The following MGAM2 variants were observed in gnomAD, a reference collection of about 807,000 sequenced individuals.
The protein encoded by MGAM2 is probable maltase-glucoamylase 2.
Under a neutral mutation model 96.1 loss-of-function variants are expected in MGAM2, and 98 were observed. The ratio of observed to expected loss-of-function variants is 1.02; its 90% CI spans 0.87 to 1.21. The LOEUF (loss-of-function observed/expected upper bound fraction) is 1.21. Ranked by LOEUF, MGAM2 falls within the 50% of genes most tolerant of loss-of-function variation. The pLI, the probability that MGAM2 is intolerant of heterozygous loss-of-function variation, is 0.00. For synonymous variants in MGAM2, 749 were observed against 414.8 expected (o/e 1.81, Z -9.79); for missense variants, 2,055 against 1,182.4 (o/e 1.74, Z -10.82).
chr7:142,202,408 C>T (rs1014134798), intron 45 of MGAM2, among the ~76,000 whole-genome samples: 1 of 152,074 alleles, frequency 6.6e-6, no homozygotes, highest in Non-Finnish European at 1.5e-5. Flanking sequence ...GTATGGATCC[C>T]GTCACCCAGG....
At chr7:142,212,479 C>G (rs1797617039) in intron 46 of MGAM2, among the ~76,000 whole-genome samples, 1 of 152,114 alleles carries the variant, frequency 6.6e-6, no homozygotes, top group Non-Finnish European at 1.5e-5. Flanking sequence ...CAAAGACACA[C>G]TAGGCTCAAA....
At chr7:142,168,270 T>C (rs1796087126) in intron 26 of MGAM2, among the ~76,000 whole-genome samples, 1 of 149,462 alleles carries the variant, frequency 6.7e-6, no homozygotes, top group South Asian at 2.1e-4. Context: ...TGCATTTCTT[T>C]CTTTTTTTTT....
intron 3 of MGAM2, among the ~76,000 whole-genome samples, chr7:142,129,367 A>G (rs1442921101): frequency 1.3e-5 from 2 of 152,100 alleles, no homozygotes; most frequent in African/African-American, 4.8e-5. Context: ...AATGAGTTAA[A>G]ACTTTAAGGG....
rs985608621 is a variant in MGAM2 at position 142,183,241 on chromosome 7, G to A, written c.3817-25G>A. 10 of 694,312 alleles carry A rather than the reference G, an allele frequency of 1.4e-5. No homozygotes were observed. The East Asian group carries it at 2.7e-4, about 19-fold the overall frequency. 43.0% of individuals were successfully genotyped at this position (694,312 alleles called of 1,614,324 possible). ...TCTTAGAGATGTTTTCCTCACATTT[G>A]CTGTTTGAAATTCTTTTACTGCAGG... On this transcript the variant is annotated intron_variant, in intron 32 of 47. Transcript: ENST00000477922.
chr7:142,142,522 G>GTGTTTTT (rs1795259203), intron 12 of MGAM2, among the ~76,000 whole-genome samples: 2 of 108,202 alleles, frequency 1.8e-5, no homozygotes, highest in Non-Finnish European at 4.0e-5. Context: ...ATAGTGGTGT[G>GTGTTTTT]TGTTTTTTTT....
At position 142,165,296 on chromosome 7, in the gene MGAM2, C is replaced by T. The variant is rs539222424; in HGVS notation, c.2652+273C>T. On this transcript the variant is annotated intron_variant, in intron 24 of 47. Transcript: ENST00000477922. Reference sequence around the variant, plus strand: ...GCAGTTAAAATGAGACACTCTGATCCCAGCTGTGACATAGTGAATAGATTG... The same window carrying T: ...GCAGTTAAAATGAGACACTCTGATCTCAGCTGTGACATAGTGAATAGATTG... 4.9e-4 allele frequency among the ~76,000 whole-genome samples: 74 copies of T among 152,162 alleles called. 1 individual carries two copies. Among genetic ancestry groups the T allele is most frequent in the Non-Finnish European group, 9.0e-4 (61 of 68,022 alleles).
intron 3 of MGAM2, among the ~76,000 whole-genome samples, chr7:142,122,297 C>T (rs1046775786): frequency 6.6e-6 from 1 of 152,168 alleles, no homozygotes; most frequent in African/African-American, 2.4e-5. Flanking sequence ...ATATTATTAG[C>T]TACAGTCCAA....
At chr7:142,201,155 C>T (rs1797217311) in intron 45 of MGAM2, among the ~76,000 whole-genome samples, 1 of 142,694 alleles carries the variant, frequency 7.0e-6, no homozygotes, top group African/African-American at 2.7e-5. Context: ...CTGCAACCTC[C>T]TCCTCCCTAA....
At chr7:142,182,672 G>A (rs975052007) in intron 32 of MGAM2, among the ~76,000 whole-genome samples, 2 of 152,208 alleles carry the variant, frequency 1.3e-5, no homozygotes, top group African/African-American at 4.8e-5. Context: ...TGCAGTGCAA[G>A]TTTCCCTTCA....
At chr7:142,120,628 G>A (rs1190115076) in intron 3 of MGAM2, among the ~76,000 whole-genome samples, 1 of 152,174 alleles carries the variant, frequency 6.6e-6, no homozygotes, top group Admixed American at 6.5e-5. Flanking sequence ...GGTGGAGGGC[G>A]ATTACAGGTG....
intron 23 of MGAM2, among the ~76,000 whole-genome samples, chr7:142,164,289 G>C (rs945156096): frequency 3.3e-5 from 5 of 152,102 alleles, no homozygotes; most frequent in Admixed American, 3.3e-4. Context: ...CCCTAAATAA[G>C]TTATTTAATT....
At position 142,154,745 on chromosome 7, in the gene MGAM2, G is replaced by A. The variant is rs1280740570; in HGVS notation, c.1823G>A (p.Cys608Tyr). The part of the protein sequence containing the change: ...FGIPMVGANI[C>Y]GYNNNVTEEL... The stretch of plus-strand genomic sequence containing the variant: ...ATTCTCCAGGTAGGTGCCAACATCT[G>A]TGGTTATAACAACAATGTCACAGAG... The change falls in exon 17 of 48, where the codon TGT becomes TAT. Residue 608 changes from cysteine (C) to tyrosine (Y), a missense_variant. Coordinates refer to ENST00000477922, the MANE Select transcript of MGAM2 (RefSeq NM_001293626.2). 1.4e-6 allele frequency: 1 copy of A among 703,234 alleles called. No homozygotes were observed. Among genetic ancestry groups the A allele is most frequent in the East Asian group, 2.7e-5 (1 of 37,282 alleles). The allele number at this position is 703,234 out of a possible 1,614,324, so 43.6% of individuals were successfully genotyped here.
At chr7:142,118,500 C>T (rs1449316923) in intron 2 of MGAM2, among the ~76,000 whole-genome samples, 2 of 152,124 alleles carry the variant, frequency 1.3e-5, no homozygotes, top group African/African-American at 4.8e-5. Context: ...TAACTGTTTC[C>T]TCCAAATTCT....
chr7:142,154,133 G>A lies in MGAM2; in HGVS notation c.1750G>A (p.Asp584Asn). Residue 584 changes from aspartate (D) to asparagine (N), a missense_variant, in exon 16 of 48, where the codon GAC (aspartate) becomes AAC (asparagine). Transcript: ENST00000477922. ...WLGDNAATWD[D>N]LRWSIPTILE... ...GGGGGACAATGCGGCCACATGGGAT[G>A]ACCTCCGATGGTCTATCCCCACTAT... 3 of 688,340 alleles carry A rather than the reference G, an allele frequency of 4.4e-6. No individual in the cohort carries two copies. Among genetic ancestry groups the A allele is most frequent in the Non-Finnish European group, 8.0e-6 (3 of 374,532 alleles). 42.6% of individuals were successfully genotyped at this position (688,340 alleles called of 1,614,324 possible).
intron 1 of MGAM2, among the ~76,000 whole-genome samples, chr7:142,112,439 AAAT>A (rs1817204337): frequency 6.6e-6 from 1 of 152,156 alleles, no homozygotes; most frequent in African/African-American, 2.4e-5. Context: ...CTGTGGAGAG[AAAT>A]AATACTTGCA....
chr7:142,123,978 T>TTA (rs1554501120), intron 3 of MGAM2, among the ~76,000 whole-genome samples: 19 of 140,074 alleles, frequency 1.4e-4, no homozygotes, highest in East Asian at 4.2e-4. Context: ...TTTTTTTTTT[T>TTA]TTTTTTTTTT....
chr7:142,204,090 T>A (rs1333008635), intron 45 of MGAM2, among the ~76,000 whole-genome samples: 2 of 152,068 alleles, frequency 1.3e-5, no homozygotes, highest in Non-Finnish European at 2.9e-5. Context: ...CTTTCTCTCA[T>A]CTACTTACCT....
At chr7:142,170,786 A>G (rs916611572) in intron 27 of MGAM2, among the ~76,000 whole-genome samples, 2 of 152,108 alleles carry the variant, frequency 1.3e-5, no homozygotes, top group African/African-American at 4.8e-5. Flanking sequence ...AGAAGCTGTC[A>G]CCTGTGTGTG....
intron 12 of MGAM2, among the ~76,000 whole-genome samples, chr7:142,141,906 T>C (rs1306281979): frequency 6.6e-6 from 1 of 152,212 alleles, no homozygotes; most frequent in Non-Finnish European, 1.5e-5. Flanking sequence ...TTCAGGATAA[T>C]TAAATTTCTG....
Sources: allele counts gnomAD v4.1 joint callset (sites outside exome capture counted in the v4.1 genomes callset), GRCh38; gene constraint gnomAD v4.1.1; transcripts MANE v1.5; gene names NCBI Gene and HGNC (gene_info 2026-07-23, HGNC 2026-07-21).